The following MYH14 variants were observed in gnomAD, a reference collection of about 807,000 sequenced individuals.
MYH14 encodes myosin-14.
In MYH14, 123 loss-of-function variants were observed where a neutral mutation model predicts 255.5. The ratio of observed to expected loss-of-function variants is 0.48; its 90% CI spans 0.42 to 0.56. MYH14 has a LOEUF of 0.56. Among genes scored for constraint, MYH14 ranks in the 20% least tolerant of loss-of-function variants. MYH14 has a pLI of 0.00. For missense variants in MYH14, 2,423 were observed against 2,802.3 expected (o/e 0.86, Z 3.06); for synonymous variants, 1,095 against 1,161.2 (o/e 0.94, Z 1.16).
chr19:50,309,345 TTC>T (rs1489802201), intron 42 of MYH14, 168 bp downstream of exon 42: 1 of 683,736 alleles, frequency 1.5e-6, no homozygotes, highest in African/African-American at 1.8e-5. Flanking sequence ...TCCAGGTAAC[TTC>T]TTTCTTCCCA....
At chr19:50,297,600 C>T (rs1373552194) in intron 39 of MYH14, among the ~76,000 whole-genome samples, 1 of 141,844 alleles carries the variant, frequency 7.1e-6, no homozygotes, top group African/African-American at 2.5e-5. Flanking sequence ...CGGGTTCAAG[C>T]GATTCTCCTG....
At chr19:50,246,619 T>C (rs1410798778) in intron 11 of MYH14, among the ~76,000 whole-genome samples, 1 of 80,728 alleles carries the variant, frequency 1.2e-5, no homozygotes, top group Non-Finnish European at 2.2e-5. Context: ...CCAAACTCTG[T>C]CTCAAACAAA....
intron 19 of MYH14, among the ~76,000 whole-genome samples, chr19:50,260,005 G>A (rs1440711277): frequency 2.3e-4 from 35 of 152,174 alleles, no homozygotes; most frequent in African/African-American, 2.4e-5. Flanking sequence ...GAGCAGCACC[G>A]TCCCTTAGAA....
intron 22 of MYH14, among the ~76,000 whole-genome samples, chr19:50,263,785 T>A (rs1670727): frequency 6.6e-6 from 1 of 151,864 alleles, no homozygotes; most frequent in African/African-American, 2.4e-5. Context: ...TGCTGGGTGC[T>A]GTGGCTCACA....
Position 50,266,760 on chromosome 19 carries a change from G to C in MYH14, c.2695-117G>C. The C allele has an allele frequency of 7.3e-7, 1 of 1,370,116 alleles. No homozygotes were observed. Among genetic ancestry groups the C allele is most frequent in the Non-Finnish European group, 1.0e-6 (1 of 995,086 alleles). The allele number at this position is 1,370,116 out of a possible 1,614,324, so 84.9% of individuals were successfully genotyped here. On this transcript the variant is annotated intron_variant, in intron 22 of 42. Transcript: ENST00000642316. This position sits in a 1 kb window ranked among gnomAD's most constrained non-coding sequence, Gnocchi z 4.1. ...GACCAGGGACTGTTGCCAAGGCGGGGACACACAGCTAATAGGTGGAGGAGA... is the reference window on the plus strand; with the variant it reads ...GACCAGGGACTGTTGCCAAGGCGGGCACACACAGCTAATAGGTGGAGGAGA...
rs970900555 is a variant in MYH14 at position 50,286,372 on chromosome 19, T to A, written c.4540-110T>A. 6.4e-6 allele frequency: 7 copies of A among 1,094,244 alleles called. No homozygotes were observed. The Admixed American group carries it at 8.1e-5, about 13-fold the overall frequency. 67.8% of individuals were successfully genotyped at this position (1,094,244 alleles called of 1,614,324 possible). A position where few individuals can be genotyped will look rare whatever the true frequency, so the allele number is the denominator to read the frequency against. ...TCCCTCTTGTGTCTCTGCCTTTGTC[T>A]GTCTCTTTCTCTCTCTTTCTCTGTT... On this transcript the variant is annotated intron_variant, in intron 33 of 42. Coordinates refer to ENST00000642316, the MANE Select transcript of MYH14 (RefSeq NM_001145809.2).
chr19:50,264,007 A>G (rs2034985207), intron 22 of MYH14, among the ~76,000 whole-genome samples: 3 of 139,626 alleles, frequency 2.1e-5, no homozygotes, highest in African/African-American at 7.9e-5. Flanking sequence ...CAGTGAGCCA[A>G]GATAGTGTCA....
Position 50,276,323 on chromosome 19 carries a change from A to G in MYH14, c.3680+120A>G. On this transcript the variant is annotated intron_variant, in intron 28 of 42. Transcript: ENST00000642316. The surrounding 1 kb of genome is among the most constrained non-coding windows in gnomAD (Gnocchi z 4.3). ...CTTATTGTACAGTTGTTCATGAACC[A>G]CCGGCTCTAGGTCCGGCCTGGGTCA... 1.2e-6 allele frequency: 1 copy of G among 862,300 alleles called. No homozygotes were observed. The highest frequency in any genetic ancestry group is 1.7e-6 in the Non-Finnish European group (1 of 579,452). The allele number at this position is 862,300 out of a possible 1,614,324, so 53.4% of individuals were successfully genotyped here.
In MYH14 at chr19:50,227,459, G is replaced by A. The variant is rs73932440; in HGVS notation, c.874+493G>A. Among the ~76,000 whole-genome samples the A allele has an allele frequency of 7.4e-3, 1,127 of 151,968 alleles. 14 individuals carry two copies. Among genetic ancestry groups the A allele is most frequent in the African/African-American group, 0.025 (1,034 of 41,402 alleles). On this transcript the variant is annotated intron_variant, in intron 8 of 42. Coordinates refer to ENST00000642316, the MANE Select transcript of MYH14 (RefSeq NM_001145809.2). ...GGCCACATCCCCGCCTGCACCCCCC[G>A]TCCCCCGCCCTTAGTATGAACCAAA...
In MYH14 at chr19:50,293,650, A is replaced by G. The variant is rs1227212776; in HGVS notation, c.5432A>G (p.Glu1811Gly). The change falls in exon 39 of 43, where the codon GAG becomes GGG. Residue 1811 changes from glutamate to glycine, a missense_variant. Glu to Gly is a moderately conservative substitution (Grantham distance 98). Transcript: ENST00000642316. This position sits in a 1 kb window ranked among gnomAD's most constrained non-coding sequence, Gnocchi z 4.1. ...EELEEEQSNSELLNDRYRKLL... is the reference protein window; with the variant it reads ...EELEEEQSNSGLLNDRYRKLL... Reference sequence around the variant, plus strand: ...CTGGAGGAGGAGCAGAGCAACTCGGAGCTGCTCAATGACCGCTACCGCAAG... The same window carrying G: ...CTGGAGGAGGAGCAGAGCAACTCGGGGCTGCTCAATGACCGCTACCGCAAG... The G allele has an allele frequency of 3.1e-6, 5 of 1,605,278 alleles. No individual in the cohort carries two copies. Among genetic ancestry groups the G allele is most frequent in the Non-Finnish European group, 4.3e-6 (5 of 1,175,706 alleles).
intron 2 of MYH14, among the ~76,000 whole-genome samples, chr19:50,214,791 G>T (rs972649250): frequency 6.6e-6 from 1 of 151,918 alleles, no homozygotes; most frequent in South Asian, 2.1e-4. Context: ...ACCCGCCCCC[G>T]TCCAAAAAAT....
At chr19:50,289,777 C>T (rs879730983) in intron 35 of MYH14, 129 bp downstream of exon 35, 1 of 791,696 alleles carries the variant, frequency 1.3e-6, no homozygotes, top group East Asian at 2.7e-5. Context: ...ACCCGCCGAC[C>T]ACTCAGTATC....
intron 16 of MYH14, among the ~76,000 whole-genome samples, chr19:50,254,232 A>AT (rs1491378170): frequency 6.6e-6 from 1 of 150,558 alleles, no homozygotes; most frequent in East Asian, 1.9e-4. Flanking sequence ...AAAAAAAAAA[A>AT]GGAAAAAAAA....
At chr19:50,288,452 A>G (rs900796047) in intron 34 of MYH14, among the ~76,000 whole-genome samples, 5 of 152,274 alleles carry the variant, frequency 3.3e-5, no homozygotes, top group Middle Eastern at 3.4e-3. Flanking sequence ...GTCCCTTGGG[A>G]AAAATGTCAG....
chr19:50,270,079 A>G (rs1263385702), intron 24 of MYH14, among the ~76,000 whole-genome samples: 1 of 152,178 alleles, frequency 6.6e-6, no homozygotes, highest in Non-Finnish European at 1.5e-5. Flanking sequence ...TTAGCCAGGC[A>G]TGGTGTCACA....
At chr19:50,304,558 C>G (rs1245667810) in intron 40 of MYH14, among the ~76,000 whole-genome samples, 1 of 152,188 alleles carries the variant, frequency 6.6e-6, no homozygotes, top group East Asian at 1.9e-4. Context: ...CCACTGCACT[C>G]TAGCCTGGGC....
Position 50,281,762 on chromosome 19 carries a change from C to T in MYH14, c.4459C>T (p.Leu1487=). Reference sequence around the variant, plus strand: ...GGGCCGCCGCCGGCTGCAGCAGGAGCTGGACGACGCCACCATGGACCTGGA... The same window carrying T: ...GGGCCGCCGCCGGCTGCAGCAGGAGTTGGACGACGCCACCATGGACCTGGA... ...ERGRRRLQQE[L]DDATMDLEQQ... is the part of the protein sequence containing the mutation. The change falls in exon 33 of 43, where the codon CTG becomes TTG. Residue 1487 remains leucine, a synonymous_variant. Transcript: ENST00000642316. The T allele has an allele frequency of 1.9e-6, 3 of 1,612,518 alleles. No individual in the cohort carries two copies. Among genetic ancestry groups the T allele is most frequent in the Non-Finnish European group, 2.5e-6 (3 of 1,179,750 alleles).
rs1409838865 is a variant in MYH14 at position 50,309,644 on chromosome 19, G to C, written c.5965G>C (p.Gly1989Arg). 5 of 1,497,024 alleles carry C rather than the reference G, an allele frequency of 3.3e-6. No individual in the cohort carries two copies. The highest frequency in any genetic ancestry group is 1.1e-5 in the South Asian group (1 of 88,158). 92.7% of individuals were successfully genotyped at this position (1,497,024 alleles called of 1,614,324 possible). The change falls in exon 43 of 43, where the codon GGC becomes CGC. Residue 1989 changes from glycine to arginine, a missense_variant. This residue lies in a region of MYH14 where 1,513 missense variants were observed against 1,674.8 expected (regional missense o/e 0.90). Transcript: ENST00000642316. ...VTTLRNRLRRGPLTFTTRTVR... is the reference protein window; with the variant it reads ...VTTLRNRLRRRPLTFTTRTVR... Reference sequence around the variant, plus strand: ...CCTGGTCTCTCCTCCCCACAGACGCGGCCCCCTCACCTTCACCACCCGCAC... The same window carrying C: ...CCTGGTCTCTCCTCCCCACAGACGCCGCCCCCTCACCTTCACCACCCGCAC...
intron 10 of MYH14, among the ~76,000 whole-genome samples, chr19:50,239,563 T>C (rs672681): frequency 0.93 from 140,795 of 151,908 alleles, 65,422 homozygotes; most frequent in South Asian, 0.97. Context: ...TTTTCTTCTT[T>C]TTTTGAGACA....
Sources: gnomAD v4.1 joint callset for allele counts (sites outside exome capture counted in the v4.1 genomes callset) on GRCh38, gnomAD v4.1.1 for gene constraint, gnomAD v4.1.1 regional missense constraint, Gnocchi (gnomAD v3.1) non-coding constraint, MANE v1.5 for transcripts, NCBI Gene and HGNC (gene_info 2026-07-23, HGNC 2026-07-21) for gene names.